Variants in PIEZO2 observed in about 807,000 individuals in gnomAD.
The protein encoded by PIEZO2 is piezo-type mechanosensitive ion channel component 2.
PIEZO2 carries 172 observed loss-of-function variants against 337.3 expected under a neutral mutation model. The ratio of observed to expected loss-of-function variants is 0.51; its 90% confidence interval spans 0.45 to 0.58. PIEZO2 has a LOEUF of 0.58. Among genes scored for constraint, PIEZO2 ranks in the 20% least tolerant of loss-of-function variants. The probability of loss-of-function intolerance (pLI) is 0.00; values close to 1 mark genes in which losing one functional copy is unlikely to be tolerated. For missense variants in PIEZO2, 3,028 were observed against 3,391.3 expected, an observed-to-expected ratio of 0.89 and a Z score of 2.66; for synonymous variants, 1,251 against 1,228.5, an observed-to-expected ratio of 1.02 and a Z score of -0.38.
intron 42 of PIEZO2, among the ~76,000 whole-genome samples, chr18:10,703,990 G>A (rs1598378142): frequency 6.6e-6 from 1 of 152,204 alleles, no homozygotes; most frequent in East Asian, 1.9e-4. Flanking sequence ...GGTGGCGCCA[G>A]GCATTGTGCT....
At position 11,111,477 on chromosome 18, in the gene PIEZO2, G is replaced by C. The variant is rs1000613458; in HGVS notation, c.64+37048C>G. On this transcript the variant is annotated intron_variant, in intron 1 of 55. Transcript: ENST00000674853. This position sits in a 1 kb window ranked among gnomAD's most constrained non-coding sequence, Gnocchi z 6.2. ...CTCACGTGGCACGTGGCAACAATAG[G>C]CTGCCCCTTCTGGAGAAGCATGCAC... Among the ~76,000 whole-genome samples, 9 of 152,110 alleles carry C rather than the reference G, an allele frequency of 5.9e-5. No individual in the cohort carries two copies. The South Asian group carries it at 1.0e-3, about 18-fold the overall frequency.
chr18:10,787,185 C>A lies in PIEZO2; in HGVS notation c.2170-1G>T. On this transcript the variant is annotated splice_acceptor_variant, in intron 15 of 55. Coordinates refer to ENST00000674853, the MANE Select transcript of PIEZO2 (RefSeq NM_001378183.1). LOFTEE classifies it high-confidence loss of function. ...TTTTCCTCCACCATTCATAGTGCAC[C>A]TGCAAATCAGACATTGAAAAAAAAA... The A allele has an allele frequency of 1.3e-6, 2 of 1,494,108 alleles. No homozygotes were observed. Among genetic ancestry groups the A allele is most frequent in the Non-Finnish European group, 1.8e-6 (2 of 1,132,980 alleles). 92.6% of individuals were successfully genotyped at this position (1,494,108 alleles called of 1,614,324 possible). A position where few individuals can be genotyped will look rare whatever the true frequency, so the allele number is the denominator to read the frequency against.
At chr18:10,844,876 A>T (rs1229505841) in intron 7 of PIEZO2, among the ~76,000 whole-genome samples, 1 of 152,128 alleles carries the variant, frequency 6.6e-6, no homozygotes, top group Non-Finnish European at 1.5e-5. Context: ...GCTTCATACA[A>T]AGTAACTGAC....
At chr18:11,114,856 G>T (rs1466555877) in intron 1 of PIEZO2, among the ~76,000 whole-genome samples, 1 of 152,024 alleles carries the variant, frequency 6.6e-6, no homozygotes, top group Non-Finnish European at 1.5e-5. Flanking sequence ...GAAGCTCACT[G>T]GCCGTTTCTG....
Position 10,761,030 on chromosome 18 carries a change from G to C in PIEZO2, c.3331C>G (p.Leu1111Val), listed in dbSNP as rs1290297091. The C allele has an allele frequency of 6.5e-7, 1 of 1,536,928 alleles. No individual in the cohort carries two copies. The highest frequency in any genetic ancestry group is 1.4e-5 in the African/African-American group (1 of 73,056). The change falls in exon 24 of 56, where the codon CTG becomes GTG. Residue 1111 changes from leucine to valine, a missense_variant. By Grantham distance (32) the Leu-to-Val change is conservative. This residue lies in a region of PIEZO2 where 1,925 missense variants were observed against 2,051.9 expected (regional missense o/e 0.94). Coordinates refer to ENST00000674853, the MANE Select transcript of PIEZO2 (RefSeq NM_001378183.1). The stretch of plus-strand genomic sequence containing the variant: ...ATAGTTCTAGACACAGGGGCCGTCA[G>C]GTTATTTCGACCTCGATAGTATTCC... ...HQEYYRGRNN[L>V]TAPVSRTIFH...
intron 2 of PIEZO2, among the ~76,000 whole-genome samples, chr18:11,026,806 T>G (rs901806376): frequency 1.3e-5 from 2 of 152,172 alleles, no homozygotes; most frequent in Non-Finnish European, 2.9e-5. Context: ...GTCACCCAAT[T>G]AACCCATAAG....
rs1350802357 is a variant in PIEZO2 at position 10,783,344 on chromosome 18, A to T, written c.2492+1440T>A. 6.6e-6 allele frequency among the ~76,000 whole-genome samples: 1 copy of T among 152,174 alleles called. No homozygotes were observed. Among genetic ancestry groups the T allele is most frequent in the Non-Finnish European group, 1.5e-5 (1 of 68,032 alleles). On this transcript the variant is annotated intron_variant, in intron 17 of 55. Transcript: ENST00000674853. The surrounding 1 kb of genome is among the most constrained non-coding windows in gnomAD (Gnocchi z 4.3). Reference sequence around the variant, plus strand: ...TCAAATACTAGTTTTATCCACACAGATCACAAACAATGTCAAAATAATGAT... The same window carrying T: ...TCAAATACTAGTTTTATCCACACAGTTCACAAACAATGTCAAAATAATGAT...
At chr18:10,723,121 C>T (rs1019925546) in intron 36 of PIEZO2, among the ~76,000 whole-genome samples, 1 of 152,038 alleles carries the variant, frequency 6.6e-6, no homozygotes, top group African/African-American at 2.4e-5. Context: ...GCATGGACCA[C>T]CACACCCAGT....
At chr18:10,732,457 C>T (rs879866898) in intron 35 of PIEZO2, among the ~76,000 whole-genome samples, 1 of 152,130 alleles carries the variant, frequency 6.6e-6, no homozygotes, top group Non-Finnish European at 1.5e-5. Context: ...AAAAACACAG[C>T]ATAAGCAAAT....
intron 4 of PIEZO2, among the ~76,000 whole-genome samples, chr18:10,889,468 A>G (rs919718543): frequency 6.6e-6 from 1 of 152,242 alleles, no homozygotes; most frequent in Non-Finnish European, 1.5e-5. Flanking sequence ...GATTCGGGAA[A>G]TTAATCATGA....
At chr18:10,852,604 C>T (rs1338404176) in intron 7 of PIEZO2, among the ~76,000 whole-genome samples, 3 of 152,194 alleles carry the variant, frequency 2.0e-5, no homozygotes, top group African/African-American at 7.2e-5. Flanking sequence ...AATTTACGAT[C>T]ACATTAAAAC....
intron 1 of PIEZO2, among the ~76,000 whole-genome samples, chr18:11,121,803 A>G (rs1420647740): frequency 2.0e-5 from 3 of 152,222 alleles, no homozygotes; most frequent in African/African-American, 7.2e-5. Flanking sequence ...ACATATTTTC[A>G]TGACCAAATA....
At position 10,973,171 on chromosome 18, in the gene PIEZO2, TATC is replaced by T. The variant is rs142980086; in HGVS notation, c.286+6361_286+6363del. Among the ~76,000 whole-genome samples the T allele has an allele frequency of 0.033, 5,007 of 152,306 alleles. 143 individuals carry two copies. Among genetic ancestry groups the T allele is most frequent in the Middle Eastern group, 0.071 (21 of 294 alleles). ...ATCTATTACTAAAGGTGAATCAAAATATCAACACGGCATTGGCCTAAGGGTTGT... is the reference window on the plus strand; with the variant it reads ...ATCTATTACTAAAGGTGAATCAAAATAACACGGCATTGGCCTAAGGGTTGT... On this transcript the variant is annotated intron_variant, in intron 3 of 55. Coordinates refer to ENST00000674853, the MANE Select transcript of PIEZO2 (RefSeq NM_001378183.1). The surrounding 1 kb of genome is among the most constrained non-coding windows in gnomAD (Gnocchi z 4.9).
At chr18:11,098,673 G>T (rs2039326452) in intron 1 of PIEZO2, among the ~76,000 whole-genome samples, 1 of 151,422 alleles carries the variant, frequency 6.6e-6, no homozygotes, top group Non-Finnish European at 1.5e-5. Flanking sequence ...TATCTCAGAA[G>T]GAGTTTGTTT....
Position 11,118,215 on chromosome 18 carries a change from G to A in PIEZO2, c.64+30310C>T, listed in dbSNP as rs12606628. On this transcript the variant is annotated intron_variant, in intron 1 of 55. Coordinates refer to ENST00000674853, the MANE Select transcript of PIEZO2 (RefSeq NM_001378183.1). ...AGCACTGCTGAAGCAAACAGCCCAT[G>A]GTCCACAGCTAGGTCTTGTTCCACA... Among the ~76,000 whole-genome samples the A allele has an allele frequency of 1.1e-3, 174 of 152,294 alleles. 3 individuals carry two copies. In the East Asian group the frequency reaches 0.025, roughly 22 times the overall value.
chr18:10,957,291 G>C (rs747472602), intron 3 of PIEZO2, among the ~76,000 whole-genome samples: 1 of 152,052 alleles, frequency 6.6e-6, no homozygotes, highest in Non-Finnish European at 1.5e-5. Context: ...CAGCTACTTG[G>C]GGGGCTGAGG....
At chr18:11,012,071 GA>G (rs35347689) in intron 2 of PIEZO2, among the ~76,000 whole-genome samples, 31,384 of 151,628 alleles carry the variant, frequency 0.21, 3,477 homozygotes, top group African/African-American at 0.27. Flanking sequence ...TTGCAAAAGC[GA>G]AAAAAAAAGT....
chr18:10,738,417 A>G (rs563928041), intron 33 of PIEZO2: 1 of 152,346 alleles, frequency 6.6e-6, no homozygotes, highest in Non-Finnish European at 1.5e-5. Flanking sequence ...CAGTGGTAAC[A>G]TTGATTTTAC....
At chr18:10,941,275 G>A (rs143208351) in intron 3 of PIEZO2, among the ~76,000 whole-genome samples, 109 of 152,212 alleles carry the variant, frequency 7.2e-4, no homozygotes, top group South Asian at 3.7e-3. Flanking sequence ...TAGCAGGCTC[G>A]CACTCTAGAA....
Sources: gnomAD v4.1 joint callset for allele counts (sites outside exome capture counted in the v4.1 genomes callset) on GRCh38, gnomAD v4.1.1 for gene constraint, gnomAD v4.1.1 regional missense constraint, Gnocchi (gnomAD v3.1) non-coding constraint, MANE v1.5 for transcripts, NCBI Gene and HGNC (gene_info 2026-07-23, HGNC 2026-07-21) for gene names.